Variants in HSPA4 observed in about 807,000 individuals in gnomAD.
The protein encoded by HSPA4 is heat shock protein family A (Hsp70) member 4.
A neutral mutation model predicts 106.2 loss-of-function variants in HSPA4; 25 were observed. The ratio of observed to expected loss-of-function variants is 0.24; its 90% confidence interval spans 0.17 to 0.33. HSPA4 has a LOEUF of 0.33. Among genes scored for constraint, HSPA4 ranks in the 10% least tolerant of loss-of-function variants. The pLI is 1.00. For missense variants in HSPA4, 841 were observed against 996.0 expected, an observed-to-expected ratio of 0.84 and a Z score of 2.10; for synonymous variants, 332 against 333.6, an observed-to-expected ratio of 1.00 and a Z score of 0.05.
chr5:133,089,565 C>A lies in HSPA4; in HGVS notation c.1248C>A (p.Asp416Glu), dbSNP rs753286856. 1.9e-6 allele frequency: 3 copies of A among 1,612,944 alleles called. No individual in the cohort carries two copies. Among genetic ancestry groups the A allele is most frequent in the Non-Finnish European group, 2.5e-6 (3 of 1,179,392 alleles). ...TTTGTCTTTTTCCTCCATTCAGTGA[C>A]TGTGAAGTCTTTTCCAAAAATCATG... ...WNSPAEEGSS[D>E]CEVFSKNHAA... The change falls in exon 11 of 19, where the codon GAC (aspartate) becomes GAA (glutamate). Residue 416 changes from aspartate to glutamate, a missense_variant. Coordinates refer to ENST00000304858, the MANE Select transcript of HSPA4 (RefSeq NM_002154.4).
intron 7 of HSPA4, among the ~76,000 whole-genome samples, chr5:133,083,864 A>G (rs1765546435): frequency 6.6e-6 from 1 of 152,156 alleles, no homozygotes; most frequent in African/African-American, 2.4e-5. Context: ...AGCATATCTC[A>G]AAGTAAATTG....
chr5:133,089,275 TGAAG>T (rs1471437802), intron 10 of HSPA4, 114 bp downstream of exon 10: 7 of 637,072 alleles, frequency 1.1e-5, no homozygotes, highest in East Asian at 8.3e-5. Flanking sequence ...TCATAGTGCA[TGAAG>T]GAAGTGGTCA....
Position 133,089,710 on chromosome 5 carries a change from G to T in HSPA4, c.1378+15G>T. On this transcript the variant is annotated intron_variant, in intron 11 of 18. Coordinates refer to ENST00000304858, the MANE Select transcript of HSPA4 (RefSeq NM_002154.4). ...TCCTGCTATAGGTAAGTAAAGAGTTGGAAATTAAAAAAGAAAAAAAAAAAA... is the reference window on the plus strand; with the variant it reads ...TCCTGCTATAGGTAAGTAAAGAGTTTGAAATTAAAAAAGAAAAAAAAAAAA... 6.8e-7 allele frequency: 1 copy of T among 1,480,726 alleles called. No homozygotes were observed. The highest frequency in any genetic ancestry group is 9.0e-7 in the Non-Finnish European group (1 of 1,113,378). The allele number at this position is 1,480,726 out of a possible 1,614,324, so 91.7% of individuals were successfully genotyped here.
At chr5:133,098,096 A>G (rs1693758024) in intron 15 of HSPA4, among the ~76,000 whole-genome samples, 1 of 151,912 alleles carries the variant, frequency 6.6e-6, no homozygotes, top group South Asian at 2.1e-4. Context: ...TGAGTCTCCA[A>G]AGTCCATTAT....
rs185542839 is a variant in HSPA4 at position 133,068,431 on chromosome 5, A to T, written c.306+874A>T. On this transcript the variant is annotated intron_variant, in intron 3 of 18. Transcript: ENST00000304858. ...TCAGAGGTAGTAAGAGGAATCCATG[A>T]GGGGGGGTGGGGGCGTGATTGGCTT... 3.6e-4 allele frequency among the ~76,000 whole-genome samples: 53 copies of T among 146,038 alleles called. No individual in the cohort carries two copies. In the East Asian group the frequency reaches 0.01, roughly 28 times the overall value.
At chr5:133,062,902 T>C (rs1373137139) in intron 1 of HSPA4, among the ~76,000 whole-genome samples, 1 of 152,170 alleles carries the variant, frequency 6.6e-6, no homozygotes, top group African/African-American at 2.4e-5. Flanking sequence ...CTTAAGTTTA[T>C]GTTTCTACCA....
intron 8 of HSPA4, 127 bp downstream of exon 8, chr5:133,086,985 A>G (rs1417407092): frequency 3.0e-6 from 2 of 656,128 alleles, no homozygotes; most frequent in East Asian, 5.7e-5. Context: ...GGTATATATT[A>G]AACTTTTTTT....
intron 4 of HSPA4, among the ~76,000 whole-genome samples, chr5:133,072,392 GTTTTTTTT>G (rs748459297): frequency 2.9e-4 from 22 of 75,730 alleles, no homozygotes; most frequent in Non-Finnish European, 4.5e-4. Flanking sequence ...GTCCAGGGTT[GTTTTTTTT>G]TTTTTTTTTT....
intron 7 of HSPA4, among the ~76,000 whole-genome samples, chr5:133,077,501 GTATGAGGAT>G (rs1485818101): frequency 6.6e-6 from 1 of 152,196 alleles, no homozygotes; most frequent in Non-Finnish European, 1.5e-5. Context: ...GCCTCCCAAA[GTATGAGGAT>G]TACAGGTGTG....
At chr5:133,084,621 C>T (rs2126708483) in intron 7 of HSPA4, among the ~76,000 whole-genome samples, 1 of 152,192 alleles carries the variant, frequency 6.6e-6, no homozygotes. Context: ...CAGGCATGCA[C>T]CACCACGCCT....
chr5:133,072,995 A>G (rs994873607), intron 4 of HSPA4, among the ~76,000 whole-genome samples: 1 of 152,136 alleles, frequency 6.6e-6, no homozygotes, highest in Non-Finnish European at 1.5e-5. Flanking sequence ...TGCAGTCACT[A>G]CTTCAGCTGT....
chr5:133,082,081 A>G (rs1043259329), intron 7 of HSPA4, among the ~76,000 whole-genome samples: 3 of 152,220 alleles, frequency 2.0e-5, no homozygotes, highest in Non-Finnish European at 4.4e-5. Flanking sequence ...ACAATGGGAT[A>G]TTTTTGGTAC....
At chr5:133,080,109 A>AT (rs144557930) in intron 7 of HSPA4, among the ~76,000 whole-genome samples, 79 of 143,226 alleles carry the variant, frequency 5.5e-4, no homozygotes, top group Non-Finnish European at 6.8e-4. Flanking sequence ...AATGTTTTTG[A>AT]TTTTTTTTTT....
chr5:133,097,911 GT>G (rs1315201113), intron 15 of HSPA4, among the ~76,000 whole-genome samples: 2,079 of 141,392 alleles, frequency 0.015, 46 homozygotes, highest in African/African-American at 0.048. Context: ...AGAATTTTTA[GT>G]TTTTTTTTTT....
At chr5:133,065,122 C>T in intron 2 of HSPA4, 85 bp downstream of exon 2, 1 of 1,111,280 alleles carries the variant, frequency 9.0e-7, no homozygotes, top group Non-Finnish European at 1.4e-6. Context: ...CATTATGTGC[C>T]TAACACTGGT....
chr5:133,082,866 T>C (rs1022710501), intron 7 of HSPA4, among the ~76,000 whole-genome samples: 1 of 152,146 alleles, frequency 6.6e-6, no homozygotes, highest in South Asian at 2.1e-4. Context: ...CCAGGCATGG[T>C]GGCTCACGCC....
intron 1 of HSPA4, among the ~76,000 whole-genome samples, chr5:133,058,769 G>GA (rs1765199389): frequency 6.6e-6 from 1 of 151,678 alleles, no homozygotes; most frequent in African/African-American, 2.4e-5. Context: ...GAGGTGGGGG[G>GA]ATCACTTGAG....
At chr5:133,078,401 G>A (rs1765472196) in intron 7 of HSPA4, among the ~76,000 whole-genome samples, 1 of 151,792 alleles carries the variant, frequency 6.6e-6, no homozygotes, top group Non-Finnish European at 1.5e-5. Context: ...AGCACTTTGG[G>A]AGGCAGGTGC....
At chr5:133,072,909 A>T (rs1044720538) in intron 4 of HSPA4, among the ~76,000 whole-genome samples, 8 of 152,198 alleles carry the variant, frequency 5.3e-5, no homozygotes, top group Non-Finnish European at 7.3e-5. Flanking sequence ...AAGGTCCTAG[A>T]TGCCAGGCAA....
Sources: allele counts gnomAD v4.1 joint callset (sites outside exome capture counted in the v4.1 genomes callset), GRCh38; gene constraint gnomAD v4.1.1; transcripts MANE v1.5; gene names NCBI Gene and HGNC (gene_info 2026-07-23, HGNC 2026-07-21).